Variants in AIFM1 observed in about 807,000 individuals in gnomAD.
AIFM1 encodes the protein apoptosis-inducing factor 1, mitochondrial.
AIFM1 carries 3 observed loss-of-function variants against 51.7 expected under a neutral mutation model. The ratio of observed to expected loss-of-function variants is 0.06; its 90% CI spans 0.03 to 0.15. The LOEUF (loss-of-function observed/expected upper bound fraction) is 0.15. Among genes scored for constraint, AIFM1 ranks in the 10% least tolerant of loss-of-function variants. The probability of loss-of-function intolerance (pLI) is 1.00; values close to 1 mark genes in which losing one functional copy is unlikely to be tolerated. For synonymous variants in AIFM1, 178 were observed against 179.4 expected (o/e 0.99, Z 0.06); for missense variants, 330 against 476.8 (o/e 0.69, Z 2.87).
chrX:130,155,544 T>TATATC (rs2031136542), intron 2 of AIFM1, among the ~76,000 whole-genome samples: 1 of 112,254 alleles, frequency 8.9e-6, no homozygotes, highest in Non-Finnish European at 1.9e-5. Context: ...CGTTTGGGAG[T>TATATC]CACATCAGGG....
chrX:130,158,496 G>A (rs2031242050), intron 1 of AIFM1, among the ~76,000 whole-genome samples: 1 of 110,093 alleles, frequency 9.1e-6, no homozygotes, highest in Admixed American at 9.7e-5. Context: ...ATAGATCTGG[G>A]ATGGGGCTCA....
rs141662856 is a variant in AIFM1, at chrX:130,145,312, T to C, written c.696+167A>G. 3.8e-3 allele frequency among the ~76,000 whole-genome samples: 421 copies of C among 111,810 alleles called. 3 individuals are homozygous for C. The highest frequency in any genetic ancestry group is 9.1e-3 in the Admixed American group (95 of 10,455). On this transcript the variant is annotated intron_variant, in intron 6 of 15. Transcript: ENST00000287295. ...TAACCTAGGCTTTGATACTAGTGCT[T>C]TCCCCAGAAAGACACACTCAGCATT...
chrX:130,131,174 T>A (rs1422565785), intron 14 of AIFM1, among the ~76,000 whole-genome samples: 1 of 111,262 alleles, frequency 9.0e-6, no homozygotes, highest in Non-Finnish European at 1.9e-5. Flanking sequence ...GGCACTAAGA[T>A]CTGCCAAATG....
chrX:130,140,472 C>A (rs747771862), intron 7 of AIFM1, 61 bp downstream of exon 7: 194 of 981,127 alleles, frequency 2.0e-4, no homozygotes, highest in Non-Finnish European at 2.7e-4. Flanking sequence ...ATAGAGAAGG[C>A]TGGACTCTAA....
At chrX:130,162,925 G>A (rs1176020489) in intron 1 of AIFM1, among the ~76,000 whole-genome samples, 2 of 111,885 alleles carry the variant, frequency 1.8e-5, no homozygotes, top group African/African-American at 6.5e-5. Flanking sequence ...GAAGGAGGCA[G>A]AGCATCCAAA....
Position 130,165,633 on chromosome X carries a change from C to T in AIFM1, c.24G>A (p.Ala8=). 1 of 1,201,390 alleles carries T rather than the reference C, an allele frequency of 8.3e-7. No homozygotes were observed. The highest frequency in any genetic ancestry group is 1.1e-6 in the Non-Finnish European group (1 of 889,801). Residue 8 remains alanine (A), a synonymous_variant, in exon 1 of 16, where the codon GCG becomes GCA. Coordinates refer to ENST00000287295, the MANE Select transcript of AIFM1 (RefSeq NM_004208.4). MFRCGGL[A]AGALKQKLVP... The stretch of plus-strand genomic sequence containing the variant: ...CCAGCTTCTGCTTCAAAGCACCCGC[C>T]GCCAGGCCTCCACACCGGAACATTT...
At position 130,136,205 on chromosome X, in the gene AIFM1, A is replaced by T; in HGVS notation, c.1165-20T>A. ...TTCTACCTGAGGCAAAAAAGAAATAATTCAGTCAATTACCACAGTTTCCAT... is the reference window on the plus strand; with the variant it reads ...TTCTACCTGAGGCAAAAAAGAAATATTTCAGTCAATTACCACAGTTTCCAT... On this transcript the variant is annotated intron_variant, in intron 11 of 15. Coordinates refer to ENST00000287295, the MANE Select transcript of AIFM1 (RefSeq NM_004208.4). 8.3e-7 allele frequency: 1 copy of T among 1,210,290 alleles called. No individual in the cohort carries two copies. The highest frequency in any genetic ancestry group is 1.7e-5 in the African/African-American group (1 of 57,896).
In AIFM1 at chrX:130,130,089, G is replaced by T. The variant is rs763199888; in HGVS notation, c.1651C>A (p.Pro551Thr). ...ITIPPSTPAV[P>T]QAPVQGEDYG... ...TCCTCCCCCTGGACGGGAGCCTGTG[G>T]AACTGCCGGGGTGCTGGGAGGAATA... Residue 551 changes from proline to threonine, a missense_variant, in exon 15 of 16, where the codon CCA becomes ACA. By Grantham distance (38) the Pro-to-Thr change is conservative. Transcript: ENST00000287295. 9 of 1,209,957 alleles carry T rather than the reference G, an allele frequency of 7.4e-6. No individual in the cohort carries two copies. In the East Asian group the frequency reaches 1.8e-4, roughly 24 times the overall value.
Position 130,147,714 on chromosome X carries a change from T to C in AIFM1, c.474+38A>G, listed in dbSNP as rs762041996. 13 of 1,211,963 alleles carry C rather than the reference T, an allele frequency of 1.1e-5. No homozygotes were observed. In the South Asian group the frequency reaches 1.9e-4, roughly 18 times the overall value. ...TCACATTAGCTAAATGCTTGCAGAC[T>C]GTACCCTCTGTGCCAAGCAAAAAAA... On this transcript the variant is annotated intron_variant, in intron 4 of 15. Coordinates refer to ENST00000287295, the MANE Select transcript of AIFM1 (RefSeq NM_004208.4).
chrX:130,150,977 C>CAAAAAAAAAA lies in AIFM1; in HGVS notation c.250-1419_250-1410dup, dbSNP rs759870161. Among the ~76,000 whole-genome samples the CAAAAAAAAAA allele has an allele frequency of 5.7e-3, 158 of 27,792 alleles. 22 individuals carry two copies. The highest frequency in any genetic ancestry group is 0.017 in the African/African-American group (96 of 5,612). The allele number at this position is 27,792 out of a possible 115,157, so 24.1% of individuals were successfully genotyped here. On this transcript the variant is annotated intron_variant, in intron 2 of 15. Coordinates refer to ENST00000287295, the MANE Select transcript of AIFM1 (RefSeq NM_004208.4). Reference sequence around the variant, plus strand: ...TGGGCGATAGAGTGAGACTCTGTCTCAAAAAAAAAAAAAAAAAAGAAAAGA... The same window carrying CAAAAAAAAAA: ...TGGGCGATAGAGTGAGACTCTGTCTCAAAAAAAAAAAAAAAAAAAAAAAAAAAAGAAAAGA...
chrX:130,145,604 T>C (rs372516357), intron 5 of AIFM1, 35 bp from the exon 6 acceptor site: 1 of 1,045,006 alleles, frequency 9.6e-7, no homozygotes, highest in African/African-American at 1.9e-5. Context: ...ATTATAAGCA[T>C]GTGGAACTGT....
At chrX:130,145,011 TAAC>T (rs2030705345) in intron 6 of AIFM1, among the ~76,000 whole-genome samples, 1 of 111,844 alleles carries the variant, frequency 8.9e-6, no homozygotes, top group African/African-American at 3.3e-5. Context: ...TACCTGCCAT[TAAC>T]AACAATAAAA....
Position 130,133,522 on chromosome X carries a change from T to C in AIFM1, c.1306-67A>G, listed in dbSNP as rs776054021. 52 of 1,164,116 alleles carry C rather than the reference T, an allele frequency of 4.5e-5. No homozygotes were observed. The African/African-American group carries it at 7.8e-4, about 17-fold the overall frequency. On this transcript the variant is annotated intron_variant, in intron 12 of 15. Transcript: ENST00000287295. ...AAAAAAGCAAGTTAAAGACAAAATA[T>C]AAACTTTGGGGGCTCAAAGAACACT...
Position 130,165,818 on chromosome X carries a change from C to T in AIFM1, c.-162G>A. 1.9e-6 allele frequency: 1 copy of T among 520,082 alleles called. No homozygotes were observed. The highest frequency in any genetic ancestry group is 3.4e-6 in the Non-Finnish European group (1 of 290,968). 42.9% of individuals were successfully genotyped at this position (520,082 alleles called of 1,213,427 possible). The stretch of plus-strand genomic sequence containing the variant: ...GTGGGCATTGGACAGAGAAGCCGGC[C>T]TGCTAGAGCCGGGGAAGGGGAACGG... On this transcript the variant is annotated 5_prime_UTR_variant, in exon 1 of 16. Coordinates refer to ENST00000287295, the MANE Select transcript of AIFM1 (RefSeq NM_004208.4).
chrX:130,155,201 G>A (rs766056303), intron 2 of AIFM1: 5 of 1,211,104 alleles, frequency 4.1e-6, no homozygotes, highest in East Asian at 5.9e-5. Context: ...CAATTAAGAA[G>A]TACACTAGGT....
Position 130,147,632 on chromosome X carries a change from A to G in AIFM1, c.475-9T>C. 1 of 1,212,177 alleles carries G rather than the reference A, an allele frequency of 8.2e-7. No homozygotes were observed. The highest frequency in any genetic ancestry group is 1.1e-6 in the Non-Finnish European group (1 of 895,635). On this transcript the variant is annotated splice_polypyrimidine_tract_variant and intron_variant, in intron 4 of 15. Coordinates refer to ENST00000287295, the MANE Select transcript of AIFM1 (RefSeq NM_004208.4). ...TCAGATACAATCAGTACCTTCAGAC[A>G]TAAAAATCATGACGCTTATCAGAGC...
chrX:130,139,558 AG>A (rs1439253613), intron 8 of AIFM1, among the ~76,000 whole-genome samples: 2 of 111,430 alleles, frequency 1.8e-5, no homozygotes, highest in African/African-American at 6.5e-5. Context: ...AGCAATCAGA[AG>A]GATCTATTGC....
intron 1 of AIFM1, 46 bp downstream of exon 1, chrX:130,165,505 G>A: frequency 9.3e-7 from 1 of 1,075,201 alleles, no homozygotes. Flanking sequence ...GGAGCCTAAG[G>A]CGCCAGGCCC....
intron 13 of AIFM1, among the ~76,000 whole-genome samples, chrX:130,133,086 T>G (rs2030170070): frequency 9.0e-6 from 1 of 111,642 alleles, no homozygotes; most frequent in African/African-American, 3.3e-5. Flanking sequence ...TTAAAATAAT[T>G]TTTTTCTCTT....
Sources: allele counts gnomAD v4.1 joint callset (sites outside exome capture counted in the v4.1 genomes callset), GRCh38; gene constraint gnomAD v4.1.1; transcripts MANE v1.5; gene names NCBI Gene and HGNC (gene_info 2026-07-23, HGNC 2026-07-21).